The following NTM variants were observed in gnomAD, a reference collection of about 807,000 sequenced individuals.
NTM encodes the protein neurotrimin.
In NTM, 13 loss-of-function variants were observed where a neutral mutation model predicts 42.1. The observed-to-expected ratio is 0.31, with a 90% confidence interval of 0.20 to 0.49. The LOEUF (loss-of-function observed/expected upper bound fraction) is 0.49. NTM is among the 20% of genes least tolerant of loss of function. The probability of loss-of-function intolerance (pLI) is 0.99; values close to 1 mark genes in which losing one functional copy is unlikely to be tolerated. For missense variants in NTM, 373 were observed against 452.8 expected (o/e 0.82, Z 1.60); for synonymous variants, 187 against 179.2 (o/e 1.04, Z -0.35).
At chr11:132,286,695 C>T (rs1037049700) in intron 4 of NTM, among the ~76,000 whole-genome samples, 2 of 152,198 alleles carry the variant, frequency 1.3e-5, no homozygotes, top group African/African-American at 4.8e-5. Context: ...GACCGCATGG[C>T]TCTACTGGCC....
chr11:131,509,592 A>G (rs894698719), intron 1 of NTM, among the ~76,000 whole-genome samples: 1 of 152,216 alleles, frequency 6.6e-6, no homozygotes, highest in Non-Finnish European at 1.5e-5. Flanking sequence ...ACCCAGTTCT[A>G]GTTTTTGAGG....
chr11:131,557,624 C>T (rs557295522), intron 1 of NTM, among the ~76,000 whole-genome samples: 1 of 152,212 alleles, frequency 6.6e-6, no homozygotes, highest in East Asian at 1.9e-4. Context: ...TGTATCAACT[C>T]TGTGATGTGC....
At chr11:132,142,093 G>A (rs1442318805) in intron 2 of NTM, among the ~76,000 whole-genome samples, 3 of 152,202 alleles carry the variant, frequency 2.0e-5, no homozygotes, top group East Asian at 1.9e-4. Context: ...GGATGCCAGC[G>A]GTGGGAGGGC....
intron 1 of NTM, among the ~76,000 whole-genome samples, chr11:131,456,692 C>T (rs920275047): frequency 3.3e-5 from 5 of 152,130 alleles, no homozygotes; most frequent in African/African-American, 4.8e-5. Context: ...AACCTCCTTG[C>T]CGATAGAGAA....
At chr11:131,452,000 C>T (rs1950524103) in intron 1 of NTM, among the ~76,000 whole-genome samples, 1 of 152,200 alleles carries the variant, frequency 6.6e-6, no homozygotes, top group Non-Finnish European at 1.5e-5. Context: ...TCCGATGACC[C>T]TGGCTCCTCT....
At chr11:131,466,319 C>T (rs1951886885) in intron 1 of NTM, among the ~76,000 whole-genome samples, 1 of 152,130 alleles carries the variant, frequency 6.6e-6, no homozygotes, top group Non-Finnish European at 1.5e-5. Context: ...AGGGTCAGGC[C>T]TCGTGCAAAG....
At chr11:132,007,314 G>A (rs1047681606) in intron 2 of NTM, among the ~76,000 whole-genome samples, 2 of 152,128 alleles carry the variant, frequency 1.3e-5, no homozygotes, top group African/African-American at 4.8e-5. Context: ...TGGCAATAAG[G>A]GAATGGTGCT....
chr11:131,768,205 G>A lies in NTM; in HGVS notation c.83-143359G>A, dbSNP rs150648171. 8.1e-4 allele frequency among the ~76,000 whole-genome samples: 120 copies of A among 147,572 alleles called. 1 individual carries two copies. The East Asian group carries it at 0.016, about 20-fold the overall frequency. On this transcript the variant is annotated intron_variant, in intron 1 of 8. Coordinates refer to ENST00000683400, the MANE Select transcript of NTM (RefSeq NM_001352005.2). ...TGGTGTGATCTCGACTACAACCTCC[G>A]CCTCCTGGGTTCAAGCAATTCTCCT...
At chr11:131,486,089 A>G (rs1279702306) in intron 1 of NTM, among the ~76,000 whole-genome samples, 7 of 152,144 alleles carry the variant, frequency 4.6e-5, no homozygotes, top group African/African-American at 1.7e-4. Context: ...CTCAGTTGAT[A>G]TTAGTTCTCT....
chr11:131,523,108 A>T (rs576238568), intron 1 of NTM, among the ~76,000 whole-genome samples: 12 of 152,326 alleles, frequency 7.9e-5, no homozygotes, highest in African/African-American at 2.6e-4. Context: ...CAGCCGACTT[A>T]GTGTCCCTTT....
Position 131,648,341 on chromosome 11 carries a change from C to T in NTM, c.83-263223C>T, listed in dbSNP as rs59352644. The stretch of plus-strand genomic sequence containing the variant: ...TCTTTATGATAGAATGATTTATATT[C>T]CTCTGGGTATGTATATATACCCAAC... On this transcript the variant is annotated intron_variant, in intron 1 of 8. Transcript: ENST00000683400. Among the ~76,000 whole-genome samples the T allele has an allele frequency of 8.2e-3, 1,251 of 152,182 alleles. 15 individuals carry two copies. Among genetic ancestry groups the T allele is most frequent in the African/African-American group, 0.026 (1,094 of 41,502 alleles).
At chr11:131,568,769 G>T (rs770921933) in intron 1 of NTM, among the ~76,000 whole-genome samples, 1 of 152,224 alleles carries the variant, frequency 6.6e-6, no homozygotes, top group African/African-American at 2.4e-5. Flanking sequence ...CGCATTCAAA[G>T]TCAGCCTTGC....
chr11:132,136,683 G>C (rs993445623), intron 2 of NTM, among the ~76,000 whole-genome samples: 2 of 152,200 alleles, frequency 1.3e-5, no homozygotes, highest in African/African-American at 2.4e-5. Context: ...GCAGCTGCAT[G>C]TGGTCTGGGG....
At chr11:131,948,894 C>A (rs2060673873) in intron 2 of NTM, among the ~76,000 whole-genome samples, 4 of 152,154 alleles carry the variant, frequency 2.6e-5, no homozygotes, top group Admixed American at 2.6e-4. Flanking sequence ...CAATACAGTA[C>A]CGTTAATTCT....
intron 1 of NTM, among the ~76,000 whole-genome samples, chr11:131,507,346 T>G (rs1343465241): frequency 6.6e-6 from 1 of 151,512 alleles, no homozygotes; most frequent in Non-Finnish European, 1.5e-5. Context: ...TTCTCAGGTT[T>G]GTCAAAGATC....
At chr11:131,975,649 G>T (rs2064221546) in intron 2 of NTM, among the ~76,000 whole-genome samples, 1 of 152,202 alleles carries the variant, frequency 6.6e-6, no homozygotes. Context: ...CTATTTAACG[G>T]TGTGTTTGTT....
At chr11:131,940,514 A>G (rs2059682384) in intron 2 of NTM, among the ~76,000 whole-genome samples, 1 of 152,382 alleles carries the variant, frequency 6.6e-6, no homozygotes, top group East Asian at 1.9e-4. Flanking sequence ...CACAATGTAC[A>G]TATGACTGCC....
In NTM at chr11:131,733,797, C is replaced by CA. The variant is rs201177608; in HGVS notation, c.83-177764dup. 5.4e-3 allele frequency among the ~76,000 whole-genome samples: 818 copies of CA among 152,262 alleles called. 2 individuals are homozygous for CA. Among genetic ancestry groups the CA allele is most frequent in the Non-Finnish European group, 6.7e-3 (455 of 68,030 alleles). The stretch of plus-strand genomic sequence containing the variant: ...AAGTGATCCACCTGCCTCGGCCTTC[C>CA]AAAGTGCAGGAATTACAGGCATGAG... On this transcript the variant is annotated intron_variant, in intron 1 of 8. Transcript: ENST00000683400.
At chr11:131,835,244 G>A (rs1307111825) in intron 1 of NTM, among the ~76,000 whole-genome samples, 3 of 152,088 alleles carry the variant, frequency 2.0e-5, no homozygotes, top group African/African-American at 2.4e-5. Flanking sequence ...AAATACATGT[G>A]TGTTGTATGT....
Sources: allele counts gnomAD v4.1 joint callset (sites outside exome capture counted in the v4.1 genomes callset), GRCh38; gene constraint gnomAD v4.1.1; transcripts MANE v1.5; gene names NCBI Gene and HGNC (gene_info 2026-07-23, HGNC 2026-07-21).